GRIA1: variants seen among roughly 807,000 people sequenced by gnomAD.
The protein encoded by GRIA1 is glutamate receptor 1.
A neutral mutation model predicts 99.2 loss-of-function variants in GRIA1; 31 were observed. The observed-to-expected ratio is 0.31, with a 90% CI of 0.23 to 0.42. GRIA1 has a LOEUF of 0.42. Ranked by LOEUF, GRIA1 falls within the 10% of genes least tolerant of loss-of-function variation. GRIA1 has a pLI of 1.00. For synonymous variants in GRIA1, 438 were observed against 432.4 expected, an observed-to-expected ratio of 1.01 and a Z score of -0.16; for missense variants, 782 against 1,157.5, an observed-to-expected ratio of 0.68 and a Z score of 4.71.
chr5:153,669,551 T>C (rs1248886468), intron 5 of GRIA1, among the ~76,000 whole-genome samples: 4 of 152,192 alleles, frequency 2.6e-5, no homozygotes, highest in African/African-American at 4.8e-5. Context: ...CACTTTCCAG[T>C]GACTAATGGA....
chr5:153,718,906 A>C (rs1295350213), intron 11 of GRIA1, among the ~76,000 whole-genome samples: 1 of 152,190 alleles, frequency 6.6e-6, no homozygotes, highest in Non-Finnish European at 1.5e-5. Flanking sequence ...AGCATCACTC[A>C]TCCCATCCCA....
chr5:153,802,339 C>A lies in GRIA1; in HGVS notation c.2386-17C>A, dbSNP rs1006810019. On this transcript the variant is annotated splice_polypyrimidine_tract_variant and intron_variant, in intron 14 of 15. Transcript: ENST00000285900. ...TATTCTTCCCCCTCCCCTTCCTTTCCCTCCTCCTCTTCTTAGGACAAGACA... is the reference window on the plus strand; with the variant it reads ...TATTCTTCCCCCTCCCCTTCCTTTCACTCCTCCTCTTCTTAGGACAAGACA... The A allele has an allele frequency of 6.2e-7, 1 of 1,613,034 alleles. No homozygotes were observed. Among genetic ancestry groups the A allele is most frequent in the Non-Finnish European group, 8.5e-7 (1 of 1,179,316 alleles).
intron 2 of GRIA1, among the ~76,000 whole-genome samples, chr5:153,549,233 C>T (rs1351391723): frequency 6.6e-6 from 1 of 152,120 alleles, no homozygotes; most frequent in Non-Finnish European, 1.5e-5. Flanking sequence ...TTGTTCAGTG[C>T]CAGGCATGGC....
intron 7 of GRIA1, among the ~76,000 whole-genome samples, chr5:153,680,734 C>T (rs945187891): frequency 8.5e-5 from 13 of 152,292 alleles, no homozygotes; most frequent in South Asian, 2.1e-4. Flanking sequence ...GAGTTTAAGA[C>T]GCAGTCCTGC....
intron 13 of GRIA1, among the ~76,000 whole-genome samples, chr5:153,786,777 T>C (rs1461722158): frequency 6.6e-6 from 1 of 152,124 alleles, no homozygotes; most frequent in Non-Finnish European, 1.5e-5. Context: ...ATGGGGAGCA[T>C]TGCAGAGCAA....
Position 153,608,681 on chromosome 5 carries a change from T to C in GRIA1, c.221-38247T>C, listed in dbSNP as rs996445362. ...ATAGTAAGCATAGTTGATTATGAAA[T>C]TTATGTCTGTAATGTCTGATTACTC... On this transcript the variant is annotated intron_variant, in intron 2 of 15. Transcript: ENST00000285900. Among the ~76,000 whole-genome samples, 6 of 152,214 alleles carry C rather than the reference T, an allele frequency of 3.9e-5. No homozygotes were observed. In the East Asian group the frequency reaches 1.2e-3, roughly 29 times the overall value.
rs114017725 is a variant in GRIA1, at chr5:153,602,677, G to A, written c.221-44251G>A. 9.1e-3 allele frequency among the ~76,000 whole-genome samples: 1,382 copies of A among 152,226 alleles called. 18 individuals carry two copies. Among genetic ancestry groups the A allele is most frequent in the African/African-American group, 0.031 (1,303 of 41,524 alleles). On this transcript the variant is annotated intron_variant, in intron 2 of 15. Transcript: ENST00000285900. ...GTAATTTGCCCAAAGTCCAGCCATC[G>A]TTGCTAGCTAGTTGCCACTTTACCC...
chr5:153,794,588 T>C, intron 13 of GRIA1, 33 bp from the exon 14 acceptor site: 2 of 1,359,362 alleles, frequency 1.5e-6, no homozygotes, highest in South Asian at 2.3e-5. Context: ...CTCCACCTGT[T>C]ACTCATCGAG....
intron 2 of GRIA1, among the ~76,000 whole-genome samples, chr5:153,501,545 C>A (rs865935638): frequency 6.6e-6 from 1 of 152,126 alleles, no homozygotes; most frequent in Non-Finnish European, 1.5e-5. Context: ...ACTAAAGAAC[C>A]CATGGAAGGG....
intron 11 of GRIA1, among the ~76,000 whole-genome samples, chr5:153,760,172 G>A (rs1423951133): frequency 2.0e-5 from 3 of 151,860 alleles, no homozygotes; most frequent in Non-Finnish European, 2.9e-5. Context: ...TCTATTCAAC[G>A]TTGTACTGGA....
At chr5:153,553,600 G>A (rs762791176) in intron 2 of GRIA1, among the ~76,000 whole-genome samples, 20 of 152,058 alleles carry the variant, frequency 1.3e-4, no homozygotes, top group African/African-American at 4.3e-4. Flanking sequence ...GTGAGGAGCC[G>A]CATGCACAGT....
At chr5:153,677,187 C>A in intron 7 of GRIA1, 26 bp downstream of exon 7, 1 of 1,396,552 alleles carries the variant, frequency 7.2e-7, no homozygotes, top group Non-Finnish European at 9.4e-7. Context: ...TTTGCCCCAT[C>A]TCATAGGAGC....
intron 2 of GRIA1, among the ~76,000 whole-genome samples, chr5:153,531,778 C>G (rs539029066): frequency 1.1e-4 from 17 of 152,228 alleles, no homozygotes; most frequent in African/African-American, 3.9e-4. Context: ...ATGTATTAAA[C>G]AGTCAATATA....
At chr5:153,749,125 G>A (rs1762342254) in intron 11 of GRIA1, among the ~76,000 whole-genome samples, 1 of 152,158 alleles carries the variant, frequency 6.6e-6, no homozygotes, top group South Asian at 2.1e-4. Context: ...GAGGCAGGAG[G>A]AGACCCAGGA....
chr5:153,603,843 C>T (rs545455295), intron 2 of GRIA1, among the ~76,000 whole-genome samples: 1 of 152,206 alleles, frequency 6.6e-6, no homozygotes, highest in South Asian at 2.1e-4. Context: ...TGTGACAGGT[C>T]CAATAATTCC....
intron 7 of GRIA1, among the ~76,000 whole-genome samples, chr5:153,678,921 G>T (rs891957401): frequency 3.3e-5 from 5 of 152,204 alleles, no homozygotes; most frequent in African/African-American, 9.7e-5. Flanking sequence ...GAAAATGAAG[G>T]GGGTGGAGAG....
In GRIA1 at chr5:153,670,333, G is replaced by A. The variant is rs1329601826; in HGVS notation, c.700-4167G>A. ...ACTCAAAGAGAAGCATCTGGTACCA[G>A]TGCTGGGAGGTCAGTGGAAGGAGAG... On this transcript the variant is annotated intron_variant, in intron 5 of 15. Transcript: ENST00000285900. 2.0e-5 allele frequency among the ~76,000 whole-genome samples: 3 copies of A among 152,154 alleles called. No individual in the cohort carries two copies. In the East Asian group the frequency reaches 5.8e-4, roughly 29 times the overall value.
At chr5:153,689,845 A>G (rs969388436) in intron 8 of GRIA1, among the ~76,000 whole-genome samples, 1 of 152,146 alleles carries the variant, frequency 6.6e-6, no homozygotes, top group Non-Finnish European at 1.5e-5. Context: ...GCCTTCATCA[A>G]TTGACAAACT....
In GRIA1 at chr5:153,705,662, A is replaced by ATTTTTTTTT. The variant is rs70978505; in HGVS notation, c.1453-12_1453-4dup. The stretch of plus-strand genomic sequence containing the variant: ...GAAAAGGGCTGCTGAGCTCACCTGC[A>ATTTTTTTTT]TTTTTTTTTTTTTTTTTTTTTTTTT... On this transcript the variant is annotated intron_variant, in intron 10 of 15. Coordinates refer to ENST00000285900, the MANE Select transcript of GRIA1 (RefSeq NM_000827.4). The ATTTTTTTTT allele has an allele frequency of 6.4e-4, 485 of 752,606 alleles. 15 individuals carry two copies. The highest frequency in any genetic ancestry group is 7.5e-4 in the Non-Finnish European group (432 of 579,854). 46.6% of individuals were successfully genotyped at this position (752,606 alleles called of 1,614,324 possible).
Sources: gnomAD v4.1 joint callset for allele counts (sites outside exome capture counted in the v4.1 genomes callset) on GRCh38, gnomAD v4.1.1 for gene constraint, MANE v1.5 for transcripts, NCBI Gene and HGNC (gene_info 2026-07-23, HGNC 2026-07-21) for gene names.